Variants in MYO9B observed in about 807,000 individuals in gnomAD.
MYO9B encodes the protein unconventional myosin-IXb.
A neutral mutation model predicts 229.5 loss-of-function variants in MYO9B; 71 were observed. The ratio of observed to expected loss-of-function variants is 0.31; its 90% CI spans 0.26 to 0.38. MYO9B has a LOEUF of 0.38. Among genes scored for constraint, MYO9B ranks in the 10% least tolerant of loss-of-function variants. MYO9B has a pLI of 1.00. For synonymous variants in MYO9B, 1,185 were observed against 1,235.8 expected (o/e 0.96, Z 0.86); for missense variants, 2,255 against 2,920.5 (o/e 0.77, Z 5.25).
At chr19:17,158,970 G>A (rs2072568365) in intron 7 of MYO9B, among the ~76,000 whole-genome samples, 2 of 152,166 alleles carry the variant, frequency 1.3e-5, no homozygotes, top group Non-Finnish European at 2.9e-5. Flanking sequence ...CAGGCAGGCA[G>A]ATCGCCCAAG....
rs958176905 is a variant in MYO9B, at chr19:17,202,214, A to G, written c.4747A>G (p.Lys1583Glu). 5 of 1,612,246 alleles carry G rather than the reference A, an allele frequency of 3.1e-6. No individual in the cohort carries two copies. The highest frequency in any genetic ancestry group is 3.4e-6 in the Non-Finnish European group (4 of 1,179,270). The change falls in exon 28 of 40, where the codon AAG becomes GAG. Residue 1583 changes from lysine to glutamate, a missense_variant. Physicochemically the swap from Lys to Glu is moderately conservative, Grantham distance 56. Transcript: ENST00000682292. ...CAACCTGGCCACTGAGCGTGGCCAG[A>G]AGGACACCAACCTGGTCCTCAACCT... ...VSNLATERGQ[K>E]DTNLVLNLFQ...
chr19:17,120,093 T>C (rs916914885), intron 2 of MYO9B, among the ~76,000 whole-genome samples: 1 of 151,222 alleles, frequency 6.6e-6, no homozygotes, highest in Non-Finnish European at 1.5e-5. Flanking sequence ...GCCCATGATA[T>C]GTCAAAGGCA....
intron 4 of MYO9B, among the ~76,000 whole-genome samples, chr19:17,153,027 A>C (rs1260953614): frequency 6.6e-6 from 1 of 152,168 alleles, no homozygotes; most frequent in African/African-American, 2.4e-5. Context: ...CTGTAGTCCC[A>C]ACTATTCAGG....
chr19:17,076,103 G>T lies in MYO9B; in HGVS notation c.-59+229G>T, dbSNP rs190942243. 7.2e-5 allele frequency among the ~76,000 whole-genome samples: 11 copies of T among 151,844 alleles called. No homozygotes were observed. In the East Asian group the frequency reaches 1.2e-3, roughly 16 times the overall value. ...CTGGTGAGGGAGTTCGAGGGCGTGG[G>T]GGGGGTGAGTCTTGTGGCTTTGAGC... On this transcript the variant is annotated intron_variant, in intron 1 of 39. Coordinates refer to ENST00000682292, the MANE Select transcript of MYO9B (RefSeq NM_004145.4).
rs749766169 is a variant in MYO9B, at chr19:17,195,387, C to T, written c.3960C>T (p.Ala1320=). 39 of 1,609,852 alleles carry T rather than the reference C, an allele frequency of 2.4e-5. No individual in the cohort carries two copies. The highest frequency in any genetic ancestry group is 7.7e-5 in the South Asian group (7 of 90,980). Residue 1320 remains alanine, a synonymous_variant, in exon 22 of 40, where the codon GCC becomes GCT. Coordinates refer to ENST00000682292, the MANE Select transcript of MYO9B (RefSeq NM_004145.4). The surrounding 1 kb of genome is among the most constrained non-coding windows in gnomAD (Gnocchi z 4.5). ...VELWRGKKLV[A]AASPSAMLSQ... ...TGTGGCGGGGCAAGAAGCTGGTGGC[C>T]GCCGCCAGCCCTAGTGCCATGCTCA...
At position 17,202,264 on chromosome 19, in the gene MYO9B, C is replaced by G; in HGVS notation, c.4797C>G (p.Phe1599Leu). ...LNLFQSLLDE[F>L]TRGYTKNDFE... The stretch of plus-strand genomic sequence containing the variant: ...TCTTCCAGTCACTGCTAGATGAGTT[C>G]ACCCGTGGCTACACCAAGAACGACT... The change falls in exon 28 of 40, where the codon TTC (phenylalanine) becomes TTG (leucine). Residue 1599 changes from phenylalanine (F) to leucine (L), a missense_variant. Physicochemically the swap from Phe to Leu is conservative, Grantham distance 22. This residue lies in a region of MYO9B where 416 missense variants were observed against 605.5 expected (regional missense o/e 0.69). Coordinates refer to ENST00000682292, the MANE Select transcript of MYO9B (RefSeq NM_004145.4). 1.3e-6 allele frequency: 2 copies of G among 1,589,734 alleles called. No homozygotes were observed. The highest frequency in any genetic ancestry group is 1.7e-6 in the Non-Finnish European group (2 of 1,169,822).
chr19:17,204,219 G>A (rs1218344216), intron 30 of MYO9B, among the ~76,000 whole-genome samples: 1 of 151,978 alleles, frequency 6.6e-6, no homozygotes, highest in Non-Finnish European at 1.5e-5. Context: ...CTTCTTTAGC[G>A]TAACCAGTGT....
At chr19:17,096,307 G>A (rs1420837588) in intron 1 of MYO9B, among the ~76,000 whole-genome samples, 1 of 152,130 alleles carries the variant, frequency 6.6e-6, no homozygotes, top group African/African-American at 2.4e-5. Context: ...CTCCTGAGAG[G>A]GGAATTGCAG....
chr19:17,119,171 G>A (rs1205248422), intron 2 of MYO9B, among the ~76,000 whole-genome samples: 1 of 152,194 alleles, frequency 6.6e-6, no homozygotes, highest in Admixed American at 6.5e-5. Flanking sequence ...CAGGGCCTTT[G>A]CATGTGCTGT....
Position 17,172,277 on chromosome 19 carries a change from A to G in MYO9B, c.1794-59A>G. On this transcript the variant is annotated intron_variant, in intron 11 of 39. Coordinates refer to ENST00000682292, the MANE Select transcript of MYO9B (RefSeq NM_004145.4). This position sits in a 1 kb window ranked among gnomAD's most constrained non-coding sequence, Gnocchi z 8.2. ...GCACCAGGGGTCTGCAAGATAAAAT[A>G]CACAGCAGGTAAATCAGCCGCTGTT... 1 of 1,602,746 alleles carries G rather than the reference A, an allele frequency of 6.2e-7. No individual in the cohort carries two copies. Among genetic ancestry groups the G allele is most frequent in the Non-Finnish European group, 8.5e-7 (1 of 1,173,692 alleles).
Position 17,101,712 on chromosome 19 carries a change from G to A in MYO9B, c.-6G>A, listed in dbSNP as rs374003581. 36 of 1,559,018 alleles carry A rather than the reference G, an allele frequency of 2.3e-5. No homozygotes were observed. The highest frequency in any genetic ancestry group is 1.7e-4 in the Middle Eastern group (1 of 5,952). ...GGAGGCATGCTGAAGCCAGGCGGCCGGCAGGATGAGTGTGAAAGAGGCAGG... is the reference window on the plus strand; with the variant it reads ...GGAGGCATGCTGAAGCCAGGCGGCCAGCAGGATGAGTGTGAAAGAGGCAGG... On this transcript the variant is annotated 5_prime_UTR_variant, in exon 2 of 40. Transcript: ENST00000682292. The surrounding 1 kb of genome is among the most constrained non-coding windows in gnomAD (Gnocchi z 4.7).
intron 2 of MYO9B, among the ~76,000 whole-genome samples, chr19:17,140,434 G>C (rs991026413): frequency 1.3e-5 from 2 of 151,898 alleles, no homozygotes; most frequent in African/African-American, 4.8e-5. Context: ...CCCCATGTAA[G>C]TGACCTCATC....
At chr19:17,198,343 A>G (rs2073069884) in intron 24 of MYO9B, 35 bp downstream of exon 24, 2 of 1,610,342 alleles carry the variant, frequency 1.2e-6, no homozygotes, top group East Asian at 4.5e-5. Context: ...TCAGGCCACC[A>G]GAGGATGCCC....
At chr19:17,165,693 C>G (rs1169247941) in intron 10 of MYO9B, among the ~76,000 whole-genome samples, 1 of 152,058 alleles carries the variant, frequency 6.6e-6, no homozygotes, top group South Asian at 2.1e-4. Flanking sequence ...GTGGATCACT[C>G]GAGCCCAGGA....
chr19:17,182,678 G>T (rs961336527), intron 15 of MYO9B, among the ~76,000 whole-genome samples: 1 of 151,866 alleles, frequency 6.6e-6, no homozygotes, highest in East Asian at 1.9e-4. Flanking sequence ...TTTTGTCCTT[G>T]TTGTGCCTTA....
At chr19:17,095,765 GCTT>G (rs919557376) in intron 1 of MYO9B, 39 of 152,258 alleles carry the variant, frequency 2.6e-4, no homozygotes, top group African/African-American at 6.7e-4. Flanking sequence ...CTTTTGTCAG[GCTT>G]CTTCTTTTTT....
chr19:17,207,276 C>G, intron 35 of MYO9B, 32 bp downstream of exon 35: 1 of 1,580,154 alleles, frequency 6.3e-7, no homozygotes, highest in Non-Finnish European at 8.6e-7. Flanking sequence ...GAGGCATGCT[C>G]AGGGCAGCCC....
intron 2 of MYO9B, among the ~76,000 whole-genome samples, chr19:17,122,126 C>T (rs1437667961): frequency 5.3e-5 from 8 of 152,216 alleles, no homozygotes. Flanking sequence ...CACTCAGACT[C>T]CCCTCTCAGC....
intron 2 of MYO9B, among the ~76,000 whole-genome samples, chr19:17,135,503 C>T (rs547311904): frequency 3.3e-4 from 50 of 152,242 alleles, no homozygotes; most frequent in East Asian, 1.4e-3. Flanking sequence ...TGCGAGCCCC[C>T]GGCCAGCCCA....
Sources: gnomAD v4.1 joint callset for allele counts (sites outside exome capture counted in the v4.1 genomes callset) on GRCh38, gnomAD v4.1.1 for gene constraint, gnomAD v4.1.1 regional missense constraint, Gnocchi (gnomAD v3.1) non-coding constraint, MANE v1.5 for transcripts, NCBI Gene and HGNC (gene_info 2026-07-23, HGNC 2026-07-21) for gene names.